Variants in RANBP2 observed in about 807,000 individuals in gnomAD.
RANBP2 encodes RAN binding protein 2, also known as E3 SUMO-protein ligase RanBP2.
RANBP2 carries 57 observed loss-of-function variants against 303.6 expected under a neutral mutation model. That is an observed-to-expected ratio of 0.19 (90% confidence interval 0.15 to 0.23). The LOEUF (loss-of-function observed/expected upper bound fraction) is 0.23. RANBP2 is among the 10% of genes least tolerant of loss of function. The pLI, the probability that RANBP2 is intolerant of heterozygous loss-of-function variation, is 1.00. For missense variants in RANBP2, 3,138 were observed against 3,780.8 expected (o/e 0.83, Z 4.46); for synonymous variants, 1,167 against 1,301.5 (o/e 0.90, Z 2.23).
In RANBP2 at chr2:108,766,583, C is replaced by T; in HGVS notation, c.6044C>T (p.Pro2015Leu). The stretch of plus-strand genomic sequence containing the variant: ...GACAGCGATGACATCCATTTTGAAC[C>T]AGTAGTTCAAATGCCCGAAAAAGTA... ...TEDSDDIHFEPVVQMPEKVEL... is the reference protein window; with the variant it reads ...TEDSDDIHFELVVQMPEKVEL... The change falls in exon 20 of 29, where the codon CCA (proline) becomes CTA (leucine). Residue 2015 changes from proline (P) to leucine (L), a missense_variant. By Grantham distance (98) the Pro-to-Leu change is moderately conservative. Coordinates refer to ENST00000283195, the MANE Select transcript of RANBP2 (RefSeq NM_006267.5). The T allele has an allele frequency of 4.3e-6, 7 of 1,611,816 alleles. No homozygotes were observed. Among genetic ancestry groups the T allele is most frequent in the Non-Finnish European group, 5.9e-6 (7 of 1,179,816 alleles).
chr2:108,896,819 C>T, the RANBP2 span: 1 of 1,335,556 alleles, frequency 7.5e-7, no homozygotes, highest in Non-Finnish European at 1.0e-6. Flanking sequence ...AGCCTTGATT[C>T]TTGGCAGTCT....
chr2:109,190,082 T>A, the RANBP2 span, among the ~76,000 whole-genome samples: 6 of 152,358 alleles, frequency 3.9e-5, no homozygotes, highest in African/African-American at 1.4e-4. Flanking sequence ...GCTTTAAACT[T>A]TTCCCGTGAT....
the RANBP2 span, among the ~76,000 whole-genome samples, chr2:109,463,294 C>G: frequency 6.6e-6 from 1 of 152,242 alleles, no homozygotes; most frequent in African/African-American, 2.4e-5. Context: ...ACTGTGCTGT[C>G]TGTTTTGGTA....
At chr2:109,064,470 A>AC in the RANBP2 span, among the ~76,000 whole-genome samples, 2 of 148,804 alleles carry the variant, frequency 1.3e-5, no homozygotes, top group East Asian at 2.0e-4. Flanking sequence ...AAAAAAAAAA[A>AC]ACAAAAACAA....
chr2:108,733,691 G>A (rs1173115994), intron 4 of RANBP2, among the ~76,000 whole-genome samples: 5 of 152,108 alleles, frequency 3.3e-5, no homozygotes, highest in Admixed American at 1.3e-4. Flanking sequence ...CATATTGGGC[G>A]TGGCAATCCA....
At chr2:108,809,448 TTGTGTGTGTGTG>T in the RANBP2 span, among the ~76,000 whole-genome samples, 49 of 141,224 alleles carry the variant, frequency 3.5e-4, no homozygotes, top group Admixed American at 1.0e-3. Context: ...ACATGAAATG[TTGTGTGTGTGTG>T]TGTGTGTGTG....
the RANBP2 span, among the ~76,000 whole-genome samples, chr2:109,106,020 ATT>A: frequency 2.1e-5 from 3 of 142,942 alleles, no homozygotes; most frequent in Non-Finnish European, 3.1e-5. Context: ...TGCCCGGCTA[ATT>A]TTTTTTTTTT....
the RANBP2 span, among the ~76,000 whole-genome samples, chr2:109,396,449 G>A: frequency 1.8e-4 from 28 of 152,254 alleles, no homozygotes; most frequent in Non-Finnish European, 2.9e-5. Flanking sequence ...TCTGAAGGCA[G>A]CTGGAACCTG....
chr2:109,486,168 C>T, the RANBP2 span, among the ~76,000 whole-genome samples: 2 of 152,246 alleles, frequency 1.3e-5, no homozygotes, highest in Admixed American at 1.3e-4. Context: ...TCTTTGTCGT[C>T]TGGAAATCAC....
the RANBP2 span, among the ~76,000 whole-genome samples, chr2:109,556,244 A>G: frequency 0.16 from 24,322 of 152,164 alleles, 2,968 homozygotes; most frequent in African/African-American, 0.35. Context: ...GAGCCCTTCC[A>G]TTTGGGCTTG....
the RANBP2 span, among the ~76,000 whole-genome samples, chr2:109,590,271 C>G: frequency 2.0e-5 from 3 of 151,874 alleles, no homozygotes; most frequent in Non-Finnish European, 4.4e-5. Context: ...AACACCGATG[C>G]CCCTGGTGCA....
the RANBP2 span, among the ~76,000 whole-genome samples, chr2:108,861,472 C>CTTTTTTTTTTTTTTTTTTTTTTTTTTTTT: frequency 8.1e-6 from 1 of 123,552 alleles, no homozygotes; most frequent in African/African-American, 3.9e-5. Flanking sequence ...AACTTTCTTC[C>CTTTTTTTTTTTTTTTTTTTTTTTTTTTTT]TTTTTTTTTT....
the RANBP2 span, among the ~76,000 whole-genome samples, chr2:109,250,418 C>T: frequency 6.6e-6 from 1 of 152,016 alleles, no homozygotes; most frequent in Admixed American, 6.5e-5. Context: ...TTCGTTTCTT[C>T]ATGAAACAAT....
chr2:109,479,927 A>T, the RANBP2 span, among the ~76,000 whole-genome samples: 2 of 152,024 alleles, frequency 1.3e-5, no homozygotes, highest in African/African-American at 4.8e-5. Context: ...GCTCCAGCCC[A>T]GCCCGGTTTT....
chr2:109,342,626 G>A, the RANBP2 span, among the ~76,000 whole-genome samples: 6 of 152,212 alleles, frequency 3.9e-5, no homozygotes, highest in South Asian at 2.1e-4. Context: ...CCCTCCCGAC[G>A]CTGCAGGCCG....
chr2:109,392,809 A>C, the RANBP2 span, among the ~76,000 whole-genome samples: 1 of 151,840 alleles, frequency 6.6e-6, no homozygotes, highest in Non-Finnish European at 1.5e-5. Context: ...GCCACCACGC[A>C]CGGCCCCCTG....
the RANBP2 span, among the ~76,000 whole-genome samples, chr2:109,057,774 G>A: frequency 5.3e-5 from 8 of 152,164 alleles, no homozygotes; most frequent in Admixed American, 1.3e-4. Context: ...GCCCCGCCCC[G>A]GGACAAAGAA....
the RANBP2 span, among the ~76,000 whole-genome samples, chr2:109,624,420 GC>G: frequency 6.6e-6 from 1 of 152,166 alleles, no homozygotes; most frequent in Non-Finnish European, 1.5e-5. Context: ...AGCTGAACTT[GC>G]CCATCTCACA....
the RANBP2 span, among the ~76,000 whole-genome samples, chr2:109,404,389 C>T: frequency 2.0e-5 from 3 of 152,168 alleles, no homozygotes; most frequent in African/African-American, 4.8e-5. Context: ...AACAGGCCAG[C>T]GCCTGGCCTC....
Sources: allele counts gnomAD v4.1 joint callset (sites outside exome capture counted in the v4.1 genomes callset), GRCh38; gene constraint gnomAD v4.1.1; transcripts MANE v1.5; gene names NCBI Gene and HGNC (gene_info 2026-07-23, HGNC 2026-07-21).